Variants in THSD4 observed in about 807,000 individuals in gnomAD.
THSD4 encodes thrombospondin type 1 domain containing 4.
A neutral mutation model predicts 119.0 loss-of-function variants in THSD4; 69 were observed. The observed-to-expected ratio is 0.58, with a 90% CI of 0.48 to 0.71. The LOEUF is 0.71. Ranked by LOEUF, THSD4 falls within the 30% of genes least tolerant of loss-of-function variation. THSD4 has a pLI of 0.00. For missense variants in THSD4, 1,393 were observed against 1,391.1 expected (o/e 1.00, Z -0.02); for synonymous variants, 524 against 540.4 (o/e 0.97, Z 0.42).
intron 7 of THSD4, among the ~76,000 whole-genome samples, chr15:71,469,450 G>C (rs912694361): frequency 6.6e-6 from 1 of 152,158 alleles, no homozygotes; most frequent in Non-Finnish European, 1.5e-5. Context: ...ACAGCAATGC[G>C]AGAATGTCCG....
At chr15:71,708,317 C>G (rs1198928082) in intron 8 of THSD4, among the ~76,000 whole-genome samples, 1 of 152,192 alleles carries the variant, frequency 6.6e-6, no homozygotes, top group African/African-American at 2.4e-5. Flanking sequence ...GTTTTTCATC[C>G]TCTGTAGACA....
chr15:71,731,464 T>G, intron 10 of THSD4: 1 of 498,380 alleles, frequency 2.0e-6, no homozygotes, highest in Non-Finnish European at 3.7e-6. Flanking sequence ...GCCCTGCCAG[T>G]TCAACATTTG....
chr15:71,603,766 G>A (rs1055186371), intron 7 of THSD4, among the ~76,000 whole-genome samples: 7 of 152,174 alleles, frequency 4.6e-5, no homozygotes, highest in African/African-American at 1.7e-4. Context: ...TTGACGCAGT[G>A]GGCATGGGCC....
intron 8 of THSD4, among the ~76,000 whole-genome samples, chr15:71,688,951 A>G (rs949562771): frequency 6.6e-6 from 1 of 152,020 alleles, no homozygotes; most frequent in Non-Finnish European, 1.5e-5. Context: ...GGGCAAGGCC[A>G]TTTCCCTGCC....
intron 7 of THSD4, among the ~76,000 whole-genome samples, chr15:71,443,294 C>A (rs2047134358): frequency 6.6e-6 from 1 of 152,150 alleles, no homozygotes; most frequent in Non-Finnish European, 1.5e-5. Flanking sequence ...CCTTCTCTGG[C>A]CTCCCTGGGT....
chr15:71,535,597 G>A (rs2048678793), intron 7 of THSD4, among the ~76,000 whole-genome samples: 1 of 152,158 alleles, frequency 6.6e-6, no homozygotes, highest in South Asian at 2.1e-4. Flanking sequence ...TAGTATGTAA[G>A]ATTTCCAGCT....
chr15:71,713,015 A>G (rs1381439782), intron 8 of THSD4, among the ~76,000 whole-genome samples: 1 of 152,244 alleles, frequency 6.6e-6, no homozygotes, highest in Non-Finnish European at 1.5e-5. Context: ...TAATTGTTGA[A>G]TCAACATACT....
intron 8 of THSD4, among the ~76,000 whole-genome samples, chr15:71,682,453 C>T (rs2141032688): frequency 6.6e-6 from 1 of 152,320 alleles, no homozygotes; most frequent in South Asian, 2.1e-4. Context: ...CTGTCACTAA[C>T]CTCCCCACCG....
At chr15:71,121,351 T>A (rs2040407541) in intron 1 of THSD4, among the ~76,000 whole-genome samples, 2 of 151,864 alleles carry the variant, frequency 1.3e-5, no homozygotes, top group African/African-American at 4.8e-5. Flanking sequence ...GCCACTTGAA[T>A]GTTAGCTATC....
intron 14 of THSD4, among the ~76,000 whole-genome samples, chr15:71,750,863 G>A (rs1167764634): frequency 3.3e-5 from 5 of 152,202 alleles, no homozygotes; most frequent in Non-Finnish European, 5.9e-5. Context: ...CCAAACATTA[G>A]CGCATGGTAC....
chr15:71,142,773 G>A (rs1231656965), intron 2 of THSD4, among the ~76,000 whole-genome samples: 1 of 152,190 alleles, frequency 6.6e-6, no homozygotes, highest in Non-Finnish European at 1.5e-5. Context: ...CTGGAATGAG[G>A]GGAAGGAAGA....
At chr15:71,363,051 C>G (rs2045914236) in intron 6 of THSD4, among the ~76,000 whole-genome samples, 1 of 151,462 alleles carries the variant, frequency 6.6e-6, no homozygotes, top group African/African-American at 2.4e-5. Context: ...GGGCCACATT[C>G]AAAGCCATCC....
At chr15:71,165,012 T>G in intron 3 of THSD4, 1 of 1,586,904 alleles carries the variant, frequency 6.3e-7, no homozygotes, top group South Asian at 1.1e-5. Context: ...TCTGCAGCAG[T>G]GTTATTCCAC....
chr15:71,724,287 A>ATATTTT lies in THSD4; in HGVS notation c.1358-4261_1358-4260insATTTTT. On this transcript the variant is annotated intron_variant, in intron 8 of 17. Transcript: ENST00000261862. ...ATGGGATATATATATATATATATAT[A>ATATTTT]TTTTTTTTTTCCCCCCAAGATGGAA... Among the ~76,000 whole-genome samples the ATATTTT allele has an allele frequency of 8.9e-4, 33 of 37,280 alleles. 3 individuals are homozygous for ATATTTT. The highest frequency in any genetic ancestry group is 4.1e-3 in the South Asian group (2 of 490). The allele number at this position is 37,280 out of a possible 152,430, so 24.5% of individuals were successfully genotyped here. A position where few individuals can be genotyped will look rare whatever the true frequency, so the allele number is the denominator to read the frequency against.
chr15:71,651,494 A>G lies in THSD4; in HGVS notation c.1153-9036A>G, dbSNP rs185663502. Among the ~76,000 whole-genome samples, 324 of 152,018 alleles carry G rather than the reference A, an allele frequency of 2.1e-3. 1 individual carries two copies. Among genetic ancestry groups the G allele is most frequent in the Non-Finnish European group, 3.3e-3 (225 of 67,994 alleles). Reference sequence around the variant, plus strand: ...GCCTTTTCTCTCATCATCTCGTCCCACTCACCCAGTCAGTCCTCTCAGCCG... The same window carrying G: ...GCCTTTTCTCTCATCATCTCGTCCCGCTCACCCAGTCAGTCCTCTCAGCCG... On this transcript the variant is annotated intron_variant, in intron 7 of 17. Transcript: ENST00000261862.
At chr15:71,400,439 T>C (rs1184388142) in intron 6 of THSD4, among the ~76,000 whole-genome samples, 1 of 152,176 alleles carries the variant, frequency 6.6e-6, no homozygotes, top group Admixed American at 6.5e-5. Flanking sequence ...GAAAATGCAG[T>C]CTGGGGGAAA....
chr15:71,589,308 A>G (rs1163147117), intron 7 of THSD4, among the ~76,000 whole-genome samples: 2 of 140,504 alleles, frequency 1.4e-5, no homozygotes, highest in African/African-American at 5.0e-5. Flanking sequence ...GTGTGTGCAT[A>G]CATATTTTGT....
chr15:71,597,035 TC>T (rs2140884816), intron 7 of THSD4, among the ~76,000 whole-genome samples: 1 of 152,330 alleles, frequency 6.6e-6, no homozygotes, highest in Admixed American at 6.5e-5. Context: ...TTCACTTTTT[TC>T]TGTCAGTCCA....
At chr15:71,098,659 C>A (rs2040241946) in intron 1 of THSD4, among the ~76,000 whole-genome samples, 1 of 152,044 alleles carries the variant, frequency 6.6e-6, no homozygotes, top group Non-Finnish European at 1.5e-5. Flanking sequence ...GGCTGATGGG[C>A]AGTGCGAAAA....
Sources: gnomAD v4.1 joint callset for allele counts (sites outside exome capture counted in the v4.1 genomes callset) on GRCh38, gnomAD v4.1.1 for gene constraint, MANE v1.5 for transcripts, NCBI Gene and HGNC (gene_info 2026-07-23, HGNC 2026-07-21) for gene names.